The following SHISA9 variants were observed in gnomAD, a reference collection of about 807,000 sequenced individuals.
SHISA9 encodes protein shisa-9.
SHISA9 carries 13 observed loss-of-function variants against 38.0 expected under a neutral mutation model. The observed-to-expected ratio is 0.34, with a 90% CI of 0.22 to 0.54. The LOEUF (loss-of-function observed/expected upper bound fraction) is 0.54. SHISA9 is among the 20% of genes least tolerant of loss of function. SHISA9 has a pLI of 0.91. For missense variants in SHISA9, 538 were observed against 575.8 expected (o/e 0.93, Z 0.67); for synonymous variants, 275 against 242.0 (o/e 1.14, Z -1.27).
the SHISA9 span, among the ~76,000 whole-genome samples, chr16:13,512,306 G>A: frequency 2.0e-5 from 3 of 152,090 alleles, no homozygotes; most frequent in Non-Finnish European, 4.4e-5. Context: ...AACAAGGGAC[G>A]TGAAGGACCT....
chr16:13,117,874 G>A (rs1198970326), intron 2 of SHISA9, among the ~76,000 whole-genome samples: 1 of 152,104 alleles, frequency 6.6e-6, no homozygotes, highest in African/African-American at 2.4e-5. Context: ...GGTGCTTACT[G>A]AAATGCCCTT....
At chr16:13,108,749 A>G (rs907572173) in intron 2 of SHISA9, among the ~76,000 whole-genome samples, 21 of 152,152 alleles carry the variant, frequency 1.4e-4, no homozygotes, top group African/African-American at 4.8e-4. Context: ...ATTGAATTTG[A>G]TTTGATCTTT....
chr16:13,281,580 T>G, the SHISA9 span, among the ~76,000 whole-genome samples: 1 of 151,328 alleles, frequency 6.6e-6, no homozygotes, highest in Middle Eastern at 3.2e-3. Context: ...TTTCTTTCTT[T>G]TCTTTCTTGG....
chr16:13,316,689 C>G, the SHISA9 span, among the ~76,000 whole-genome samples: 1 of 152,142 alleles, frequency 6.6e-6, no homozygotes, highest in African/African-American at 2.4e-5. Flanking sequence ...AGTCACATTC[C>G]AATTCCAGAG....
chr16:13,253,930 C>G, the SHISA9 span, among the ~76,000 whole-genome samples: 1 of 151,810 alleles, frequency 6.6e-6, no homozygotes, highest in Non-Finnish European at 1.5e-5. Context: ...TTTAAAAATC[C>G]TTCCACTTCC....
At chr16:13,097,309 G>T (rs1456597215) in intron 2 of SHISA9, among the ~76,000 whole-genome samples, 1 of 152,076 alleles carries the variant, frequency 6.6e-6, no homozygotes, top group Non-Finnish European at 1.5e-5. Context: ...CAGGACCCTT[G>T]ACCCTTGGAA....
chr16:13,279,104 G>A, the SHISA9 span, among the ~76,000 whole-genome samples: 2 of 151,450 alleles, frequency 1.3e-5, no homozygotes, highest in Non-Finnish European at 1.5e-5. Context: ...TTTGCATTCA[G>A]TTCAACAAAT....
At chr16:13,176,258 G>A (rs1280617975) in intron 2 of SHISA9, among the ~76,000 whole-genome samples, 1 of 152,054 alleles carries the variant, frequency 6.6e-6, no homozygotes, top group East Asian at 1.9e-4. Flanking sequence ...GTCTAGGTAT[G>A]GCCTTTGATC....
intron 2 of SHISA9, among the ~76,000 whole-genome samples, chr16:13,147,289 T>C (rs1013093020): frequency 2.2e-4 from 34 of 151,976 alleles, no homozygotes; most frequent in Non-Finnish European, 3.2e-4. Flanking sequence ...AGCCACTGAA[T>C]AGCTGTGACT....
At chr16:13,324,913 A>G in the SHISA9 span, among the ~76,000 whole-genome samples, 4 of 152,218 alleles carry the variant, frequency 2.6e-5, no homozygotes. Flanking sequence ...TCCAGGCCAT[A>G]GGTGGATTCA....
At chr16:13,483,769 C>T in the SHISA9 span, among the ~76,000 whole-genome samples, 8 of 152,280 alleles carry the variant, frequency 5.3e-5, no homozygotes, top group South Asian at 1.7e-3. Flanking sequence ...CAGAGATCTT[C>T]TGGATAACTG....
intron 2 of SHISA9, among the ~76,000 whole-genome samples, chr16:13,024,076 C>T (rs1009307676): frequency 3.3e-5 from 5 of 152,210 alleles, no homozygotes; most frequent in African/African-American, 1.2e-4. Flanking sequence ...TTTCTCATCT[C>T]CATTAATCCT....
chr16:13,035,583 T>G (rs867971177), intron 2 of SHISA9, among the ~76,000 whole-genome samples: 4 of 151,954 alleles, frequency 2.6e-5, no homozygotes, highest in Middle Eastern at 3.4e-3. Flanking sequence ...CCGGCTGGAG[T>G]GCACTGGAGT....
the SHISA9 span, among the ~76,000 whole-genome samples, chr16:13,553,943 G>T: frequency 1.3e-5 from 2 of 152,116 alleles, no homozygotes; most frequent in African/African-American, 4.8e-5. Context: ...ACCAGTCACG[G>T]CTGTAAAGGA....
intron 2 of SHISA9, among the ~76,000 whole-genome samples, chr16:13,028,680 T>C (rs1014791442): frequency 1.3e-5 from 2 of 152,204 alleles, no homozygotes; most frequent in Non-Finnish European, 1.5e-5. Flanking sequence ...AGCCAAACCA[T>C]ATCAAAAGCC....
At chr16:13,204,125 A>T (rs1265373199) in intron 3 of SHISA9, among the ~76,000 whole-genome samples, 1 of 146,444 alleles carries the variant, frequency 6.8e-6, no homozygotes, top group Non-Finnish European at 1.5e-5. Context: ...TCTATCATCT[A>T]ACTACCTATT....
At chr16:12,943,960 C>G (rs1324160613) in intron 2 of SHISA9, among the ~76,000 whole-genome samples, 1 of 152,058 alleles carries the variant, frequency 6.6e-6, no homozygotes, top group Non-Finnish European at 1.5e-5. Flanking sequence ...TTCTCAACCC[C>G]AACACTATTG....
chr16:13,510,310 A>G, the SHISA9 span, among the ~76,000 whole-genome samples: 20 of 152,194 alleles, frequency 1.3e-4, no homozygotes, highest in African/African-American at 3.9e-4. Flanking sequence ...CTCTGGCTCA[A>G]AAAACAAACA....
chr16:13,116,691 A>C (rs183637909), intron 2 of SHISA9, among the ~76,000 whole-genome samples: 1 of 152,202 alleles, frequency 6.6e-6, no homozygotes, highest in African/African-American at 2.4e-5. Flanking sequence ...CCTGGGTTCC[A>C]ATTGCTAATC....
Sources: gnomAD v4.1 joint callset for allele counts (sites outside exome capture counted in the v4.1 genomes callset) on GRCh38, gnomAD v4.1.1 for gene constraint, MANE v1.5 for transcripts, NCBI Gene and HGNC (gene_info 2026-07-23, HGNC 2026-07-21) for gene names.